ADAM18: variants seen among roughly 807,000 people sequenced by gnomAD.
The protein encoded by ADAM18 is disintegrin and metalloproteinase domain-containing protein 18.
In ADAM18, 117 loss-of-function variants were observed where a neutral mutation model predicts 94.4. The observed-to-expected ratio is 1.24, with a 90% CI of 1.07 to 1.45. ADAM18 has a LOEUF of 1.45. ADAM18 is among the 40% of genes most tolerant of loss of function. The probability of loss-of-function intolerance (pLI) is 0.00; values close to 1 mark genes in which losing one functional copy is unlikely to be tolerated. For synonymous variants in ADAM18, 327 were observed against 291.6 expected (o/e 1.12, Z -1.24); for missense variants, 936 against 880.0 (o/e 1.06, Z -0.81).
Position 39,589,613 on chromosome 8 carries a change from G to T in ADAM18, c.132+4261G>T, listed in dbSNP as rs566715474. Among the ~76,000 whole-genome samples the T allele has an allele frequency of 9.2e-5, 14 of 151,508 alleles. 1 individual carries two copies. The highest frequency in any genetic ancestry group is 3.4e-4 in the African/African-American group (14 of 41,372). On this transcript the variant is annotated intron_variant, in intron 2 of 19. Transcript: ENST00000265707. ...GTCAATGATTGTGTACACACATGAAGAAATATATATATAAATATATACACC... is the reference window on the plus strand; with the variant it reads ...GTCAATGATTGTGTACACACATGAATAAATATATATATAAATATATACACC...
intron 14 of ADAM18, among the ~76,000 whole-genome samples, chr8:39,669,507 TC>T (rs1392748669): frequency 7.7e-6 from 1 of 130,396 alleles, no homozygotes; most frequent in African/African-American, 2.9e-5. Flanking sequence ...ATGTTCCCCT[TC>T]CTGTGTCCAT....
intron 14 of ADAM18, among the ~76,000 whole-genome samples, chr8:39,677,079 C>A (rs1397422712): frequency 1.6e-4 from 25 of 152,096 alleles, no homozygotes; most frequent in Admixed American, 1.6e-3. Flanking sequence ...ATATAAGTTC[C>A]AGAGGTTTCT....
At chr8:39,585,175 T>C in intron 1 of ADAM18, 101 bp from the exon 2 acceptor site, 2 of 823,378 alleles carry the variant, frequency 2.4e-6, no homozygotes, top group South Asian at 3.3e-5. Flanking sequence ...CTACTTAAAA[T>C]TTTAGGCGCC....
chr8:39,609,180 G>T lies in ADAM18; in HGVS notation c.267+60G>T. 7 of 1,121,270 alleles carry T rather than the reference G, an allele frequency of 6.2e-6. No individual in the cohort carries two copies. The South Asian group carries it at 8.6e-5, about 14-fold the overall frequency. 69.5% of individuals were successfully genotyped at this position (1,121,270 alleles called of 1,614,324 possible). ...GGTTATATTATTACCATTAGAATGT[G>T]TTTCATGTTGACAGTTTAATACAAA... On this transcript the variant is annotated intron_variant, in intron 4 of 19. Coordinates refer to ENST00000265707, the MANE Select transcript of ADAM18 (RefSeq NM_014237.3).
chr8:39,684,321 G>A (rs115321276), intron 16 of ADAM18, among the ~76,000 whole-genome samples: 3,302 of 151,518 alleles, frequency 0.022, 141 homozygotes, highest in African/African-American at 0.076. Flanking sequence ...CTCTCTCATA[G>A]CAGCATTTAA....
chr8:39,648,386 C>T lies in ADAM18; in HGVS notation c.1089C>T (p.His363=), dbSNP rs376114324. 120 of 1,611,248 alleles carry T rather than the reference C, an allele frequency of 7.4e-5. No individual in the cohort carries two copies. Among genetic ancestry groups the T allele is most frequent in the East Asian group, 1.8e-4 (8 of 44,748 alleles). ...GRKIFSNCSM[H]DYRYFVSKFE... ...AGATTTTTAGCAACTGCAGCATGCA[C>T]GACTATAGATATTTTGTTTCAAAAT... The change falls in exon 12 of 20, where the codon CAC becomes CAT. Residue 363 remains histidine, a synonymous_variant. Coordinates refer to ENST00000265707, the MANE Select transcript of ADAM18 (RefSeq NM_014237.3).
intron 17 of ADAM18, among the ~76,000 whole-genome samples, chr8:39,696,239 CTTTT>C (rs1821924078): frequency 7.9e-6 from 1 of 126,604 alleles, no homozygotes; most frequent in Non-Finnish European, 1.7e-5. Context: ...ATTGTGCTTC[CTTTT>C]TATTATTGAG....
intron 5 of ADAM18, among the ~76,000 whole-genome samples, 199 bp from the exon 6 acceptor site, chr8:39,610,330 T>G (rs986277076): frequency 1.3e-5 from 2 of 152,118 alleles, no homozygotes; most frequent in Non-Finnish European, 2.9e-5. Context: ...TCTTTAAAAT[T>G]TAAGCAAAAC....
chr8:39,722,190 C>CGTGT lies in ADAM18; in HGVS notation c.2018-1533_2018-1530dup, dbSNP rs1164771841. On this transcript the variant is annotated intron_variant, in intron 18 of 19. Coordinates refer to ENST00000265707, the MANE Select transcript of ADAM18 (RefSeq NM_014237.3). ...TGTCTGCCTACTTTGTTGGTTATAC[C>CGTGT]GTGTGTGTGTGTGTGTGTGTGTGTG... 6.0e-3 allele frequency among the ~76,000 whole-genome samples: 610 copies of CGTGT among 101,104 alleles called. 17 individuals carry two copies. The highest frequency in any genetic ancestry group is 9.7e-3 in the East Asian group (27 of 2,792). 66.3% of individuals were successfully genotyped at this position (101,104 alleles called of 152,430 possible).
intron 12 of ADAM18, among the ~76,000 whole-genome samples, chr8:39,661,417 G>A (rs986770583): frequency 4.9e-5 from 7 of 144,318 alleles, no homozygotes; most frequent in African/African-American, 1.1e-4. Context: ...CTCGTGATCC[G>A]CCTTCCTCAG....
chr8:39,632,555 T>C (rs1292853931), intron 7 of ADAM18, among the ~76,000 whole-genome samples: 2 of 152,144 alleles, frequency 1.3e-5, no homozygotes. Flanking sequence ...CCTGATCTTT[T>C]ATTTAATATT....
At chr8:39,618,595 C>T (rs1416805982) in intron 6 of ADAM18, among the ~76,000 whole-genome samples, 2 of 152,206 alleles carry the variant, frequency 1.3e-5, no homozygotes, top group East Asian at 1.9e-4. Flanking sequence ...CATAGAAACA[C>T]GACGTGAAGC....
intron 14 of ADAM18, among the ~76,000 whole-genome samples, chr8:39,675,670 G>C (rs1413295828): frequency 6.6e-6 from 1 of 152,178 alleles, no homozygotes; most frequent in Admixed American, 6.5e-5. Flanking sequence ...TCCGTTGCTG[G>C]CGAGGAGCTG....
chr8:39,636,192 T>A lies in ADAM18; in HGVS notation c.589-1072T>A, dbSNP rs530211850. Among the ~76,000 whole-genome samples, 584 of 152,072 alleles carry A rather than the reference T, an allele frequency of 3.8e-3. 4 individuals carry two copies. The highest frequency in any genetic ancestry group is 9.7e-3 in the African/African-American group (401 of 41,474). ...CACCACAATGCCTGGATAATTTTTT[T>A]AAAATTTTTTAAAGAGATGAAGTCT... On this transcript the variant is annotated intron_variant, in intron 7 of 19. Coordinates refer to ENST00000265707, the MANE Select transcript of ADAM18 (RefSeq NM_014237.3).
chr8:39,676,962 A>G (rs1244143839), intron 14 of ADAM18, among the ~76,000 whole-genome samples: 1 of 152,234 alleles, frequency 6.6e-6, no homozygotes, highest in African/African-American at 2.4e-5. Context: ...CCAATCCATC[A>G]GTGATTTTAT....
chr8:39,713,970 A>G (rs912765787), intron 18 of ADAM18, among the ~76,000 whole-genome samples: 8 of 152,150 alleles, frequency 5.3e-5, no homozygotes, highest in African/African-American at 1.7e-4. Flanking sequence ...AAATCATGCT[A>G]CTATAAAGAC....
intron 10 of ADAM18, among the ~76,000 whole-genome samples, chr8:39,639,140 T>C (rs1820166831): frequency 6.6e-6 from 1 of 151,912 alleles, no homozygotes; most frequent in African/African-American, 2.4e-5. Context: ...ATAGATAAAA[T>C]TCCACAAGTC....
intron 19 of ADAM18, among the ~76,000 whole-genome samples, chr8:39,724,847 A>G (rs202000): frequency 0.4 from 61,450 of 151,796 alleles, 14,513 homozygotes; most frequent in Non-Finnish European, 0.54. Context: ...TAATTCCCAA[A>G]TATTTATAGA....
chr8:39,638,459 ATG>A lies in ADAM18; in HGVS notation c.828-4_828-3del. The A allele has an allele frequency of 6.5e-7, 1 of 1,534,176 alleles. No individual in the cohort carries two copies. The highest frequency in any genetic ancestry group is 8.8e-7 in the Non-Finnish European group (1 of 1,130,940). The stretch of plus-strand genomic sequence containing the variant: ...ACTACGTTAATAAAAAATTATAATA[ATG>A]TAGTTACAGGAAACATCCTAAATAT... On this transcript the variant is annotated splice_polypyrimidine_tract_variant and splice_region_variant and intron_variant, in intron 9 of 19. Coordinates refer to ENST00000265707, the MANE Select transcript of ADAM18 (RefSeq NM_014237.3).
Sources: allele counts gnomAD v4.1 joint callset (sites outside exome capture counted in the v4.1 genomes callset), GRCh38; gene constraint gnomAD v4.1.1; transcripts MANE v1.5; gene names NCBI Gene and HGNC (gene_info 2026-07-23, HGNC 2026-07-21).